Variants in PM20D1 observed in about 807,000 individuals in gnomAD.
PM20D1 encodes peptidase M20 domain containing 1.
A neutral mutation model predicts 53.8 loss-of-function variants in PM20D1; 53 were observed. The ratio of observed to expected loss-of-function variants is 0.98; its 90% CI spans 0.79 to 1.24. PM20D1 has a LOEUF of 1.24. PM20D1 is among the 50% of genes most tolerant of loss of function. PM20D1 has a pLI of 0.00. For synonymous variants in PM20D1, 239 were observed against 241.3 expected, an observed-to-expected ratio of 0.99 and a Z score of 0.09; for missense variants, 564 against 616.8, an observed-to-expected ratio of 0.91 and a Z score of 0.91.
rs372134119 is a variant in PM20D1 at position 205,843,383 on chromosome 1, C to A, written c.827+284G>T. 1.8e-3 allele frequency among the ~76,000 whole-genome samples: 268 copies of A among 152,280 alleles called. 3 individuals are homozygous for A. The highest frequency in any genetic ancestry group is 6.0e-3 in the African/African-American group (251 of 41,550). ...TCTGTCTCTCCTGTGGCTCCCCCAA[C>A]CCCCACCTTGGAAGGAATTCTCACT... is the stretch of plus-strand genomic sequence containing the variant. On this transcript the variant is annotated intron_variant, in intron 6 of 12. Coordinates refer to ENST00000367136, the MANE Select transcript of PM20D1 (RefSeq NM_152491.5).
chr1:205,849,828 C>T, intron 1 of PM20D1, 76 bp downstream of exon 1: 6 of 1,506,654 alleles, frequency 4.0e-6, no homozygotes, highest in Non-Finnish European at 5.4e-6. Context: ...GCGGCGGAAG[C>T]GGGGAGTCAC....
rs763688509 is a variant in PM20D1, at chr1:205,845,543, C to T, written c.271G>A (p.Val91Ile). Residue 91 changes from valine (V) to isoleucine (I), a missense_variant, in exon 3 of 13, where the codon GTC (valine) becomes ATC (isoleucine). Val to Ile is a conservative substitution (Grantham distance 29). Coordinates refer to ENST00000367136, the MANE Select transcript of PM20D1 (RefSeq NM_152491.5). ...TCATGCTGGATAAAGCTGGTGCTGA[C>T]CACTGTAGGAAAGACTAGAAGCAAA... ...KYIHKVFPTV[V>I]STSFIQHEVV... 2 of 1,614,004 alleles carry T rather than the reference C, an allele frequency of 1.2e-6. No homozygotes were observed. Among genetic ancestry groups the T allele is most frequent in the East Asian group, 4.5e-5 (2 of 44,872 alleles).
Position 205,832,740 on chromosome 1 carries a change from C to T in PM20D1, c.1143G>A (p.Val381=). ...CATGGAACTGGACTCTGTTATCAGC[C>T]ACAATGTTCTTCGTGAGTTCTAGGA... is the stretch of plus-strand genomic sequence containing the variant. ...QEVLELTKNI[V]ADNRVQFHVL... The change falls in exon 11 of 13, where the codon GTG becomes GTA. Residue 381 remains valine, a synonymous_variant. Coordinates refer to ENST00000367136, the MANE Select transcript of PM20D1 (RefSeq NM_152491.5). 2 of 1,607,534 alleles carry T rather than the reference C, an allele frequency of 1.2e-6. No individual in the cohort carries two copies. Among genetic ancestry groups the T allele is most frequent in the Middle Eastern group, 1.7e-4 (1 of 6,024 alleles).
chr1:205,841,797 A>AC lies in PM20D1; in HGVS notation c.1044+13dup. On this transcript the variant is annotated intron_variant, in intron 9 of 12. Coordinates refer to ENST00000367136, the MANE Select transcript of PM20D1 (RefSeq NM_152491.5). ...GTAGGGAAAAGCTATATGGGGAGGAACCAGGGATGTTACCTTGACCCCTGC... is the reference window on the plus strand; with the variant it reads ...GTAGGGAAAAGCTATATGGGGAGGAACCCAGGGATGTTACCTTGACCCCTGC... 1 of 1,556,998 alleles carries AC rather than the reference A, an allele frequency of 6.4e-7. No homozygotes were observed. The highest frequency in any genetic ancestry group is 1.4e-5 in the African/African-American group (1 of 73,374).
At chr1:205,848,664 C>T (rs1171187656) in intron 1 of PM20D1, among the ~76,000 whole-genome samples, 1 of 152,150 alleles carries the variant, frequency 6.6e-6, no homozygotes, top group African/African-American at 2.4e-5. Context: ...AAGACAAAAC[C>T]ACTGGGAGGG....
At position 205,828,432 on chromosome 1, in the gene PM20D1, A is replaced by G; in HGVS notation, c.*188T>C. 1 of 743,674 alleles carries G rather than the reference A, an allele frequency of 1.3e-6. No individual in the cohort carries two copies. The highest frequency in any genetic ancestry group is 2.1e-6 in the Non-Finnish European group (1 of 487,624). The allele number at this position is 743,674 out of a possible 1,614,324, so 46.1% of individuals were successfully genotyped here. A position where few individuals can be genotyped will look rare whatever the true frequency, so the allele number is the denominator to read the frequency against. ...GGGATGCAGATGTCGGGAGGAAGGG[A>G]GAAGCCAGATTTCTGCTGACTTTAC... On this transcript the variant is annotated 3_prime_UTR_variant, in exon 13 of 13. Coordinates refer to ENST00000367136, the MANE Select transcript of PM20D1 (RefSeq NM_152491.5).
At chr1:205,832,818 T>C (rs564382183) in intron 10 of PM20D1, 52 bp from the exon 11 acceptor site, 1 of 1,493,416 alleles carries the variant, frequency 6.7e-7, no homozygotes, top group East Asian at 2.4e-5. Flanking sequence ...TCTATACATG[T>C]ACAATATGGG....
intron 3 of PM20D1, among the ~76,000 whole-genome samples, 195 bp downstream of exon 3, chr1:205,845,111 AGGACTGAAAGGGTCCCTGG>A (rs1382074532): frequency 1.3e-5 from 2 of 152,206 alleles, no homozygotes; most frequent in Admixed American, 6.5e-5. Context: ...TATCAGTGTC[AGGACTGAAAGGGTCCCTGG>A]GGACCATTCA....
At chr1:205,836,500 G>A (rs952796773) in intron 10 of PM20D1, among the ~76,000 whole-genome samples, 6 of 151,992 alleles carry the variant, frequency 3.9e-5, no homozygotes, top group East Asian at 1.9e-4. Context: ...ATGGTGTCCC[G>A]TAATATCTAA....
In PM20D1 at chr1:205,847,896, T is replaced by C. The variant is rs750113435; in HGVS notation, c.245A>G (p.Tyr82Cys). 6.3e-7 allele frequency: 1 copy of C among 1,582,456 alleles called. No individual in the cohort carries two copies. Among genetic ancestry groups the C allele is most frequent in the Non-Finnish European group, 8.7e-7 (1 of 1,152,318 alleles). The change falls in exon 2 of 13, where the codon TAC (tyrosine) becomes TGC (cysteine). Residue 82 changes from tyrosine to cysteine, a missense_variant. Tyr to Cys is a radical substitution (Grantham distance 194, BLOSUM62 -2). Transcript: ENST00000367136. ...GATTTGCAGCTGACCTTTATGAATG[T>C]ATTTTCCGAACTCAGCCAGGGCTGT... ...NTTALAEFGK[Y>C]IHKVFPTVVS...
Position 205,844,874 on chromosome 1 carries a change from G to A in PM20D1, c.513C>T (p.Leu171=). ...SVMALLQALE[L]LLIRKYIPRR... is the part of the protein sequence containing the mutation. ...GGGGGATGTACTTCCTGATCAGCAG[G>A]AGCTCCAAGGCCTGCAGTAATGCCT... Residue 171 remains leucine (L), a synonymous_variant, in exon 4 of 13, where the codon CTC becomes CTT. Coordinates refer to ENST00000367136, the MANE Select transcript of PM20D1 (RefSeq NM_152491.5). 6.2e-7 allele frequency: 1 copy of A among 1,613,894 alleles called. No individual in the cohort carries two copies. The highest frequency in any genetic ancestry group is 8.5e-7 in the Non-Finnish European group (1 of 1,180,004).
chr1:205,840,904 G>A (rs971049557), intron 9 of PM20D1, among the ~76,000 whole-genome samples: 2 of 152,210 alleles, frequency 1.3e-5, no homozygotes, highest in African/African-American at 4.8e-5. Flanking sequence ...CCAGTGCTCT[G>A]CCTGTTCTCA....
Position 205,845,427 on chromosome 1 carries a change from C to A in PM20D1, c.387G>T (p.Val129=). The A allele has an allele frequency of 6.2e-7, 1 of 1,614,218 alleles. No individual in the cohort carries two copies. Among genetic ancestry groups the A allele is most frequent in the Non-Finnish European group, 8.5e-7 (1 of 1,180,046 alleles). ...PYLLMAHFDV[V]PAPEEGWEVP... ...CCTCCCAGCCTTCTTCAGGGGCAGG[C>A]ACCACATCAAAGTGAGCCATCAGCA... is the stretch of plus-strand genomic sequence containing the variant. Residue 129 remains valine, a synonymous_variant, in exon 3 of 13, where the codon GTG becomes GTT. Transcript: ENST00000367136.
At chr1:205,846,247 G>C (rs776898510) in intron 2 of PM20D1, among the ~76,000 whole-genome samples, 1 of 152,078 alleles carries the variant, frequency 6.6e-6, no homozygotes, top group Non-Finnish European at 1.5e-5. Context: ...ACAGCTGGGC[G>C]TGGTGGCACG....
rs779828012 is a variant in PM20D1, at chr1:205,840,307, G to T, written c.1061C>A (p.Pro354Gln). ...GAAGTTGACTGTGGCCTGGGCCACT[G>T]GGGGGATGACATTGAACTAGAGAGA... ...KAGVKFNVIP[P>Q]VAQATVNFRI... The change falls in exon 10 of 13, where the codon CCA becomes CAA. Residue 354 changes from proline (P) to glutamine (Q), a missense_variant. Coordinates refer to ENST00000367136, the MANE Select transcript of PM20D1 (RefSeq NM_152491.5). 3 of 1,613,300 alleles carry T rather than the reference G, an allele frequency of 1.9e-6. No homozygotes were observed. The highest frequency in any genetic ancestry group is 2.5e-6 in the Non-Finnish European group (3 of 1,179,542).
At chr1:205,839,616 C>T (rs1182241690) in intron 10 of PM20D1, among the ~76,000 whole-genome samples, 4 of 151,740 alleles carry the variant, frequency 2.6e-5, no homozygotes, top group Admixed American at 1.3e-4. Context: ...AAGGCCGAGG[C>T]GGGTGGCTCA....
chr1:205,843,927 G>GA, intron 5 of PM20D1, 141 bp from the exon 6 acceptor site: 1 of 1,465,058 alleles, frequency 6.8e-7, no homozygotes, highest in Non-Finnish European at 9.2e-7. Context: ...ACTGGAGGAA[G>GA]AATGGAAGGG....
intron 11 of PM20D1, 26 bp downstream of exon 11, chr1:205,832,572 C>A: frequency 6.2e-7 from 1 of 1,612,930 alleles, no homozygotes. Context: ...CCTCCTCCCT[C>A]CAGCCACAGC....
At chr1:205,847,002 C>CTTT (rs1223521843) in intron 2 of PM20D1, among the ~76,000 whole-genome samples, 1 of 65,204 alleles carries the variant, frequency 1.5e-5, no homozygotes, top group Non-Finnish European at 3.6e-5. Context: ...TCCTTCCTTC[C>CTTT]TTTCTTTTTT....
Sources: allele counts gnomAD v4.1 joint callset (sites outside exome capture counted in the v4.1 genomes callset), GRCh38; gene constraint gnomAD v4.1.1; transcripts MANE v1.5; gene names NCBI Gene and HGNC (gene_info 2026-07-23, HGNC 2026-07-21).